The following SYTL2 variants were observed in gnomAD, a reference collection of about 807,000 sequenced individuals.
SYTL2 encodes the protein synaptotagmin like 2, also known as synaptotagmin-like protein 2.
SYTL2 carries 165 observed loss-of-function variants against 198.7 expected under a neutral mutation model. The ratio of observed to expected loss-of-function variants is 0.83; its 90% CI spans 0.73 to 0.94. The LOEUF (loss-of-function observed/expected upper bound fraction) is 0.94, where lower values mean the gene tolerates loss of function less well. SYTL2 is among the 40% of genes least tolerant of loss of function. The probability of loss-of-function intolerance (pLI) is 0.00; values close to 1 mark genes in which losing one functional copy is unlikely to be tolerated. For synonymous variants in SYTL2, 966 were observed against 917.7 expected (o/e 1.05, Z -0.95); for missense variants, 2,835 against 2,582.8 (o/e 1.10, Z -2.12).
intron 1 of SYTL2, among the ~76,000 whole-genome samples, chr11:85,807,603 T>C (rs1214498898): frequency 6.6e-6 from 1 of 152,234 alleles, no homozygotes; most frequent in Non-Finnish European, 1.5e-5. Context: ...GGGCAATGAC[T>C]TTCTCCAGGA....
At chr11:85,833,102 G>GAAAGAAAGAAAGAAGGAAA in the SYTL2 span, among the ~76,000 whole-genome samples, 1 of 28,240 alleles carries the variant, frequency 3.5e-5, no homozygotes, top group Non-Finnish European at 7.1e-5. Context: ...AAAGAAAGAA[G>GAAAGAAAGAAAGAAGGAAA]GAAGGAAGGA....
chr11:85,852,431 C>G, the SYTL2 span: 1 of 152,780 alleles, frequency 6.5e-6, no homozygotes, highest in African/African-American at 2.4e-5. Flanking sequence ...CCAGCGGAAG[C>G]TGGACTGTAC....
rs151007643 is a variant in SYTL2 at position 85,780,362 on chromosome 11, G to T, written c.-389-22248C>A. On this transcript the variant is annotated intron_variant, in intron 1 of 19. Coordinates refer to ENST00000359152, the MANE Select transcript of SYTL2 (RefSeq NM_206927.4). ...ATAAGAGTGTCTTTTGTATGCTAAGGTGATAACTGGTGGCTGGCAGCCACT... is the reference window on the plus strand; with the variant it reads ...ATAAGAGTGTCTTTTGTATGCTAAGTTGATAACTGGTGGCTGGCAGCCACT... 5.4e-3 allele frequency among the ~76,000 whole-genome samples: 822 copies of T among 152,248 alleles called. 3 individuals are homozygous for T. The highest frequency in any genetic ancestry group is 0.018 in the African/African-American group (732 of 41,548).
At chr11:85,777,227 C>T (rs148774645) in intron 1 of SYTL2, among the ~76,000 whole-genome samples, 1 of 152,290 alleles carries the variant, frequency 6.6e-6, no homozygotes, top group East Asian at 1.9e-4. Flanking sequence ...TGGCCCCAAG[C>T]CCTACTTTTC....
intron 6 of SYTL2, among the ~76,000 whole-genome samples, chr11:85,735,520 G>T (rs1394601892): frequency 6.6e-6 from 1 of 152,214 alleles, no homozygotes; most frequent in East Asian, 1.9e-4. Flanking sequence ...ACTTTGGGAA[G>T]CCGAGGTGGG....
intron 1 of SYTL2, among the ~76,000 whole-genome samples, chr11:85,780,899 T>C (rs1325159656): frequency 1.3e-5 from 2 of 152,232 alleles, no homozygotes; most frequent in Non-Finnish European, 2.9e-5. Flanking sequence ...GATCTGATGC[T>C]ATCTTCAGTT....
At chr11:85,764,967 C>A (rs2092201252) in intron 1 of SYTL2, among the ~76,000 whole-genome samples, 1 of 152,130 alleles carries the variant, frequency 6.6e-6, no homozygotes, top group African/African-American at 2.4e-5. Flanking sequence ...AAACTTTGTC[C>A]ACGCACAGGT....
In SYTL2 at chr11:85,696,198, T is replaced by C. The variant is rs1450052916; in HGVS notation, c.6559A>G (p.Ile2187Val). 1.9e-6 allele frequency: 3 copies of C among 1,613,932 alleles called. No homozygotes were observed. The highest frequency in any genetic ancestry group is 1.3e-5 in the African/African-American group (1 of 74,900). Residue 2187 changes from isoleucine (I) to valine (V), a missense_variant, in exon 19 of 20, where the codon ATT becomes GTT. Transcript: ENST00000359152. ...CAAACAGTACCTGTTCCAAAGCCAATACGAAGACCTCCCAAAAATTGGTTG... is the reference window on the plus strand; with the variant it reads ...CAAACAGTACCTGTTCCAAAGCCAACACGAAGACCTCCCAAAAATTGGTTG... ...LTNQFLGGLR[I>V]GFGTGKSYGT...
intron 7 of SYTL2, among the ~76,000 whole-genome samples, chr11:85,728,687 C>T (rs1329575537): frequency 6.6e-6 from 1 of 152,198 alleles, no homozygotes; most frequent in Non-Finnish European, 1.5e-5. Context: ...CTTCACCCAT[C>T]CCCTGGCACA....
chr11:85,780,101 AT>A (rs1242053978), intron 1 of SYTL2, among the ~76,000 whole-genome samples: 5 of 152,220 alleles, frequency 3.3e-5, no homozygotes, highest in Non-Finnish European at 7.3e-5. Context: ...CCACAGCAGA[AT>A]TTGTCTACAA....
At chr11:85,837,957 T>C in the SYTL2 span, among the ~76,000 whole-genome samples, 1 of 152,208 alleles carries the variant, frequency 6.6e-6, no homozygotes, top group African/African-American at 2.4e-5. Context: ...CCCTGGCCTC[T>C]ACCCACTAAT....
At chr11:85,821,559 T>C in the SYTL2 span, among the ~76,000 whole-genome samples, 6 of 152,054 alleles carry the variant, frequency 3.9e-5, no homozygotes, top group Admixed American at 2.6e-4. Flanking sequence ...AAAATCAGAT[T>C]ATAAAAGGCC....
At chr11:85,797,000 G>A (rs1208777373) in intron 1 of SYTL2, among the ~76,000 whole-genome samples, 6 of 152,034 alleles carry the variant, frequency 3.9e-5, no homozygotes, top group African/African-American at 1.4e-4. Context: ...AGCAGCCTGG[G>A]CAACATAGCA....
intron 17 of SYTL2, among the ~76,000 whole-genome samples, chr11:85,699,192 T>C (rs1343770827): frequency 6.6e-6 from 1 of 152,250 alleles, no homozygotes; most frequent in African/African-American, 2.4e-5. Context: ...TCCAAGTTAT[T>C]ACTGTAATGT....
intron 1 of SYTL2, among the ~76,000 whole-genome samples, chr11:85,803,357 G>A (rs1040056028): frequency 2.7e-4 from 41 of 152,090 alleles, no homozygotes; most frequent in Admixed American, 2.7e-3. Flanking sequence ...ATCAAGTTGT[G>A]ATGCCCCAAA....
In SYTL2 at chr11:85,734,038, T is replaced by G. The variant is rs760328880; in HGVS notation, c.1291A>C (p.Arg431=). 3.1e-6 allele frequency: 5 copies of G among 1,613,984 alleles called. No homozygotes were observed. The highest frequency in any genetic ancestry group is 4.2e-6 in the Non-Finnish European group (5 of 1,179,898). The change falls in exon 7 of 20, where the codon AGA becomes CGA. Residue 431 remains arginine, a synonymous_variant. Transcript: ENST00000359152. The part of the protein sequence containing the change: ...LHSHSEVLTA[R]PQSMENSPTI... Reference sequence around the variant, plus strand: ...GGTGAATTCTCCATAGACTGTGGTCTTGCAGTTAAAACTTCTGAATGAGAA... The same window carrying G: ...GGTGAATTCTCCATAGACTGTGGTCGTGCAGTTAAAACTTCTGAATGAGAA...
chr11:85,831,100 A>G, the SYTL2 span, among the ~76,000 whole-genome samples: 6 of 152,266 alleles, frequency 3.9e-5, no homozygotes, highest in East Asian at 1.2e-3. Context: ...AATAATAAAG[A>G]TTGTTGCTGC....
At chr11:85,831,004 T>C in the SYTL2 span, among the ~76,000 whole-genome samples, 3 of 152,196 alleles carry the variant, frequency 2.0e-5, no homozygotes, top group East Asian at 5.8e-4. Context: ...CTTGATCAAC[T>C]TTCAGTTCTA....
intron 4 of SYTL2, among the ~76,000 whole-genome samples, 167 bp downstream of exon 4, chr11:85,745,470 C>T (rs117905521): frequency 0.021 from 3,159 of 152,290 alleles, 60 homozygotes; most frequent in Admixed American, 0.037. Flanking sequence ...AAGAGTACCA[C>T]TTGGGCTTTA....
Sources: allele counts gnomAD v4.1 joint callset (sites outside exome capture counted in the v4.1 genomes callset), GRCh38; gene constraint gnomAD v4.1.1; transcripts MANE v1.5; gene names NCBI Gene and HGNC (gene_info 2026-07-23, HGNC 2026-07-21).